The following PDE3B variants were observed in gnomAD, a reference collection of about 807,000 sequenced individuals.
PDE3B encodes cGMP-inhibited 3',5'-cyclic phosphodiesterase 3B.
A neutral mutation model predicts 116.8 loss-of-function variants in PDE3B; 66 were observed. That is an observed-to-expected ratio of 0.56 (90% CI 0.46 to 0.69). PDE3B has a LOEUF of 0.69. Ranked by LOEUF, PDE3B falls within the 30% of genes least tolerant of loss-of-function variation. The probability of loss-of-function intolerance (pLI) is 0.00; values close to 1 mark genes in which losing one functional copy is unlikely to be tolerated. For synonymous variants in PDE3B, 595 were observed against 533.6 expected (o/e 1.12, Z -1.59); for missense variants, 1,384 against 1,368.1 (o/e 1.01, Z -0.18).
intron 1 of PDE3B, among the ~76,000 whole-genome samples, chr11:14,763,593 G>A (rs1276523745): frequency 6.6e-6 from 1 of 151,848 alleles, no homozygotes; most frequent in Non-Finnish European, 1.5e-5. Context: ...ATGAGAGAGA[G>A]AATTGCTGCT....
At chr11:14,650,741 G>A (rs756398396) in intron 1 of PDE3B, among the ~76,000 whole-genome samples, 9 of 152,022 alleles carry the variant, frequency 5.9e-5, no homozygotes, top group Non-Finnish European at 8.8e-5. Flanking sequence ...GCAGTGAGCC[G>A]AGATTACTCA....
At chr11:14,662,933 A>G (rs924020617) in intron 1 of PDE3B, among the ~76,000 whole-genome samples, 6 of 152,052 alleles carry the variant, frequency 3.9e-5, no homozygotes, top group Non-Finnish European at 5.9e-5. Flanking sequence ...GTAGGCCAAC[A>G]TTCAGATTCA....
At chr11:14,761,565 A>G (rs755083849) in intron 1 of PDE3B, among the ~76,000 whole-genome samples, 1 of 152,140 alleles carries the variant, frequency 6.6e-6, no homozygotes. Context: ...TTTAAAGTTT[A>G]TTGGAAAAGT....
At chr11:14,775,056 A>G (rs561443598) in intron 2 of PDE3B, 3 of 152,276 alleles carry the variant, frequency 2.0e-5, no homozygotes, top group East Asian at 1.9e-4. Context: ...GCATACCCCA[A>G]CTATCCTCTC....
intron 5 of PDE3B, among the ~76,000 whole-genome samples, chr11:14,805,548 T>C (rs576874401): frequency 6.6e-6 from 1 of 152,364 alleles, no homozygotes; most frequent in East Asian, 1.9e-4. Context: ...ACACCTTGAA[T>C]ACATGCAGTT....
chr11:14,682,600 A>G (rs997597309), intron 1 of PDE3B, among the ~76,000 whole-genome samples: 3 of 152,122 alleles, frequency 2.0e-5, no homozygotes, highest in Non-Finnish European at 4.4e-5. Flanking sequence ...GTTTGTTTTT[A>G]AACTGTTAAT....
At chr11:14,830,163 T>C (rs1322516055) in intron 7 of PDE3B, among the ~76,000 whole-genome samples, 2 of 152,182 alleles carry the variant, frequency 1.3e-5, no homozygotes, top group African/African-American at 4.8e-5. Flanking sequence ...ACAAATAGAA[T>C]GAATATGAAT....
At chr11:14,790,705 A>C (rs1858356446) in intron 4 of PDE3B, among the ~76,000 whole-genome samples, 1 of 152,146 alleles carries the variant, frequency 6.6e-6, no homozygotes, top group Non-Finnish European at 1.5e-5. Flanking sequence ...TGCCTCATAA[A>C]ATATTTAGAA....
At chr11:14,860,164 A>C (rs980159876) in intron 13 of PDE3B, among the ~76,000 whole-genome samples, 2 of 152,178 alleles carry the variant, frequency 1.3e-5, no homozygotes, top group Non-Finnish European at 2.9e-5. Flanking sequence ...ATTCACTTTA[A>C]TTTTTAAATA....
intron 1 of PDE3B, among the ~76,000 whole-genome samples, chr11:14,744,534 A>C (rs1358409834): frequency 1.3e-5 from 2 of 152,116 alleles, no homozygotes; most frequent in Non-Finnish European, 2.9e-5. Flanking sequence ...CAAGTATTTT[A>C]TTATTTTTGA....
chr11:14,774,411 A>G (rs769751661), intron 2 of PDE3B: 7 of 152,230 alleles, frequency 4.6e-5, no homozygotes, highest in Non-Finnish European at 1.0e-4. Flanking sequence ...ATAAATTTCA[A>G]TAGTAATAAA....
chr11:14,709,249 A>C (rs1240942220), intron 1 of PDE3B, among the ~76,000 whole-genome samples: 3 of 152,176 alleles, frequency 2.0e-5, no homozygotes, highest in African/African-American at 7.2e-5. Context: ...GTAGTTACCC[A>C]TGTAAATGCT....
chr11:14,739,086 C>A (rs1250401385), intron 1 of PDE3B, among the ~76,000 whole-genome samples: 1 of 152,104 alleles, frequency 6.6e-6, no homozygotes, highest in Non-Finnish European at 1.5e-5. Flanking sequence ...GCTATGCAGG[C>A]CCTTTTTTGG....
chr11:14,663,550 G>A (rs1029840873), intron 1 of PDE3B, among the ~76,000 whole-genome samples: 18 of 151,766 alleles, frequency 1.2e-4, no homozygotes, highest in African/African-American at 2.4e-4. Flanking sequence ...ACACACATAG[G>A]CTCAAAATAA....
chr11:14,711,570 A>G (rs1274252626), intron 1 of PDE3B, among the ~76,000 whole-genome samples: 1 of 152,162 alleles, frequency 6.6e-6, no homozygotes, highest in Non-Finnish European at 1.5e-5. Context: ...AGCAGGAGCA[A>G]GAGAGTCTGG....
intron 1 of PDE3B, among the ~76,000 whole-genome samples, chr11:14,696,743 G>A (rs1855218651): frequency 1.3e-5 from 2 of 151,864 alleles, no homozygotes; most frequent in South Asian, 4.2e-4. Context: ...TCTTCTCCTG[G>A]TCTGTGGCTT....
the PDE3B span, chr11:14,891,924 T>TG: frequency 6.3e-7 from 1 of 1,575,610 alleles, no homozygotes; most frequent in Admixed American, 1.8e-5. Context: ...AGGAAGGCCC[T>TG]GGCCAGCCCG....
intron 1 of PDE3B, among the ~76,000 whole-genome samples, chr11:14,722,245 G>C (rs1159010853): frequency 6.6e-6 from 1 of 151,778 alleles, no homozygotes; most frequent in African/African-American, 2.4e-5. Context: ...CACCAACATG[G>C]CACATGTATA....
At chr11:14,852,958 T>C (rs1329456076) in intron 12 of PDE3B, among the ~76,000 whole-genome samples, 1 of 151,372 alleles carries the variant, frequency 6.6e-6, no homozygotes, top group Non-Finnish European at 1.5e-5. Context: ...TAAATGACAA[T>C]CATAAAATGT....
Sources: gnomAD v4.1 joint callset for allele counts (sites outside exome capture counted in the v4.1 genomes callset) on GRCh38, gnomAD v4.1.1 for gene constraint, MANE v1.5 for transcripts, NCBI Gene and HGNC (gene_info 2026-07-23, HGNC 2026-07-21) for gene names.